Variants in FSTL4 observed in about 807,000 individuals in gnomAD.
FSTL4 encodes follistatin-related protein 4.
A neutral mutation model predicts 78.2 loss-of-function variants in FSTL4; 28 were observed. The observed-to-expected ratio is 0.36, with a 90% CI of 0.27 to 0.49. The LOEUF is 0.49. Ranked by LOEUF, FSTL4 falls within the 20% of genes least tolerant of loss-of-function variation. FSTL4 has a pLI of 0.98. For missense variants in FSTL4, 922 were observed against 1,084.9 expected (o/e 0.85, Z 2.11); for synonymous variants, 422 against 440.5 (o/e 0.96, Z 0.53).
chr5:133,220,178 T>C (rs1296624740), intron 12 of FSTL4, among the ~76,000 whole-genome samples: 1 of 152,250 alleles, frequency 6.6e-6, no homozygotes, highest in Admixed American at 6.5e-5. Context: ...ATATGGGGCA[T>C]TGACATGACC....
the FSTL4 span, among the ~76,000 whole-genome samples, chr5:133,767,015 T>C: frequency 6.6e-6 from 1 of 152,278 alleles, no homozygotes; most frequent in Middle Eastern, 3.4e-3. Context: ...GAGGCTCTGG[T>C]GAGGAGACAG....
intron 3 of FSTL4, chr5:133,457,850 C>G (rs1757523226): frequency 6.6e-6 from 1 of 152,174 alleles, no homozygotes; most frequent in African/African-American, 2.4e-5. Flanking sequence ...TGGATGAGGC[C>G]ATTAATCAAT....
At chr5:133,313,355 C>G (rs376056427) in intron 5 of FSTL4, among the ~76,000 whole-genome samples, 5 of 152,140 alleles carry the variant, frequency 3.3e-5, no homozygotes, top group African/African-American at 1.2e-4. Flanking sequence ...CTTGTCCTGC[C>G]CAGGACACAG....
At chr5:133,399,432 C>A (rs1187222573) in intron 4 of FSTL4, among the ~76,000 whole-genome samples, 1 of 152,224 alleles carries the variant, frequency 6.6e-6, no homozygotes, top group Non-Finnish European at 1.5e-5. Context: ...GGTAAAGGCA[C>A]ATTTCCCAAG....
chr5:133,790,528 T>C, the FSTL4 span, among the ~76,000 whole-genome samples: 7,829 of 152,230 alleles, frequency 0.051, 233 homozygotes, highest in African/African-American at 0.072. Context: ...TAACACCATC[T>C]AAAGGCCAAT....
the FSTL4 span, among the ~76,000 whole-genome samples, chr5:133,833,409 A>G: frequency 1.3e-5 from 2 of 152,260 alleles, no homozygotes; most frequent in Non-Finnish European, 2.9e-5. Flanking sequence ...ATCATAAATT[A>G]TGCATAAAGA....
chr5:133,619,442 G>A, the FSTL4 span, among the ~76,000 whole-genome samples: 10 of 152,096 alleles, frequency 6.6e-5, no homozygotes, highest in South Asian at 4.1e-4. Context: ...AAAAGAAGTC[G>A]AAATGTAAAT....
intron 3 of FSTL4, among the ~76,000 whole-genome samples, chr5:133,441,865 T>C (rs1231490481): frequency 6.6e-6 from 1 of 152,206 alleles, no homozygotes; most frequent in African/African-American, 2.4e-5. Context: ...TAGTCCAGGC[T>C]GGCAGGGCCT....
the FSTL4 span, among the ~76,000 whole-genome samples, chr5:133,669,538 C>T: frequency 6.6e-6 from 1 of 152,008 alleles, no homozygotes; most frequent in Non-Finnish European, 1.5e-5. Context: ...TGTGCCCTGC[C>T]CCCAGCAGCT....
intron 3 of FSTL4, among the ~76,000 whole-genome samples, chr5:133,510,453 C>G (rs1336536329): frequency 6.6e-6 from 1 of 152,158 alleles, no homozygotes; most frequent in Non-Finnish European, 1.5e-5. Context: ...CTCATGTTGT[C>G]CAGGTGGTAC....
Position 133,448,766 on chromosome 5 carries a change from C to T in FSTL4, c.161-47780G>A, listed in dbSNP as rs188034971. Among the ~76,000 whole-genome samples, 628 of 150,724 alleles carry T rather than the reference C, an allele frequency of 4.2e-3. 4 individuals are homozygous for T. The highest frequency in any genetic ancestry group is 0.013 in the African/African-American group (534 of 40,796). ...GGGGGGGGGGGCGCTCAGAATTTTCCGCCTTTTGCGCAAACTCCCCAGATG... is the reference window on the plus strand; with the variant it reads ...GGGGGGGGGGGCGCTCAGAATTTTCTGCCTTTTGCGCAAACTCCCCAGATG... On this transcript the variant is annotated intron_variant, in intron 3 of 15. Transcript: ENST00000265342.
the FSTL4 span, among the ~76,000 whole-genome samples, chr5:133,789,905 A>T: frequency 6.6e-6 from 1 of 152,186 alleles, no homozygotes; most frequent in Admixed American, 6.5e-5. Flanking sequence ...ATCTCCACAT[A>T]CAGCCATATT....
chr5:133,314,604 G>T (rs1753860943), intron 5 of FSTL4, among the ~76,000 whole-genome samples: 2 of 145,994 alleles, frequency 1.4e-5, no homozygotes, highest in South Asian at 4.5e-4. Flanking sequence ...TCTCTCCAGG[G>T]AGATTCCAAG....
intron 4 of FSTL4, among the ~76,000 whole-genome samples, chr5:133,317,079 T>C (rs1753922840): frequency 6.6e-6 from 1 of 152,184 alleles, no homozygotes; most frequent in African/African-American, 2.4e-5. Flanking sequence ...TTTTGAATAC[T>C]TGGCCTCCTA....
At chr5:133,416,891 G>A (rs377559758) in intron 3 of FSTL4, among the ~76,000 whole-genome samples, 2 of 152,132 alleles carry the variant, frequency 1.3e-5, no homozygotes, top group African/African-American at 4.8e-5. Flanking sequence ...TCTTTCTATC[G>A]AGGACATATT....
intron 2 of FSTL4, among the ~76,000 whole-genome samples, chr5:133,595,201 G>T (rs1441311698): frequency 6.6e-6 from 1 of 151,902 alleles, no homozygotes; most frequent in Non-Finnish European, 1.5e-5. Context: ...CTGAGTCAGG[G>T]TCCCACCTGT....
chr5:133,256,891 G>A (rs1752393827), intron 6 of FSTL4, among the ~76,000 whole-genome samples: 2 of 152,346 alleles, frequency 1.3e-5, no homozygotes, highest in South Asian at 4.1e-4. Context: ...CTGCGGGTCA[G>A]TGGGTAATTT....
At position 133,236,249 on chromosome 5, in the gene FSTL4, C is replaced by T. The variant is rs1248285847; in HGVS notation, c.895-2712G>A. On this transcript the variant is annotated intron_variant, in intron 7 of 15. Transcript: ENST00000265342. This position sits in a 1 kb window ranked among gnomAD's most constrained non-coding sequence, Gnocchi z 5.0. ...GTGTGGTGGTGTTTAGTCATCAGCA[C>T]CACCACATTCCTCAGGTTGAGATGG... Among the ~76,000 whole-genome samples the T allele has an allele frequency of 6.6e-6, 1 of 151,852 alleles. No individual in the cohort carries two copies. The highest frequency in any genetic ancestry group is 1.5e-5 in the Non-Finnish European group (1 of 67,824).
intron 3 of FSTL4, among the ~76,000 whole-genome samples, chr5:133,449,136 C>T (rs1318027382): frequency 2.6e-5 from 4 of 152,196 alleles, no homozygotes; most frequent in Non-Finnish European, 4.4e-5. Context: ...TTCTACAGAA[C>T]GATCCGCCCC....
Sources: allele counts gnomAD v4.1 joint callset (sites outside exome capture counted in the v4.1 genomes callset), GRCh38; gene constraint gnomAD v4.1.1; non-coding constraint Gnocchi (gnomAD v3.1); transcripts MANE v1.5; gene names NCBI Gene and HGNC (gene_info 2026-07-23, HGNC 2026-07-21).